The following RIN3 variants were observed in gnomAD, a reference collection of about 807,000 sequenced individuals.
RIN3 encodes RAB5 interacting protein 3.
A neutral mutation model predicts 76.3 loss-of-function variants in RIN3; 54 were observed. That is an observed-to-expected ratio of 0.71 (90% CI 0.57 to 0.89). RIN3 has a LOEUF of 0.89. Among genes scored for constraint, RIN3 ranks in the 40% least tolerant of loss-of-function variants. The probability of loss-of-function intolerance (pLI) is 0.00; values close to 1 mark genes in which losing one functional copy is unlikely to be tolerated. For missense variants in RIN3, 1,256 were observed against 1,322.1 expected, an observed-to-expected ratio of 0.95 and a Z score of 0.78; for synonymous variants, 576 against 564.0, an observed-to-expected ratio of 1.02 and a Z score of -0.30.
chr14:92,683,605 C>T (rs1475953047), intron 8 of RIN3, among the ~76,000 whole-genome samples: 1 of 152,130 alleles, frequency 6.6e-6, no homozygotes, highest in African/African-American at 2.4e-5. Flanking sequence ...AGGAGGATCA[C>T]CTGAGGCCAG....
intron 3 of RIN3, among the ~76,000 whole-genome samples, chr14:92,581,617 C>T (rs1884542334): frequency 6.6e-6 from 1 of 152,152 alleles, no homozygotes; most frequent in South Asian, 2.1e-4. Context: ...ACCTCCCCGC[C>T]CAGCCTCCAG....
rs74072435 is a variant in RIN3, at chr14:92,681,148, C to T, written c.2468-3839C>T. 4.1e-3 allele frequency among the ~76,000 whole-genome samples: 631 copies of T among 152,326 alleles called. 7 individuals carry two copies. Among genetic ancestry groups the T allele is most frequent in the African/African-American group, 0.015 (619 of 41,572 alleles). ...TAGTCTGCCTGACAGCTGGCCATGCCGGGCTGGTGTCTTTCCAGGGGCAGT... is the reference window on the plus strand; with the variant it reads ...TAGTCTGCCTGACAGCTGGCCATGCTGGGCTGGTGTCTTTCCAGGGGCAGT... On this transcript the variant is annotated intron_variant, in intron 8 of 9. Coordinates refer to ENST00000216487, the MANE Select transcript of RIN3 (RefSeq NM_024832.5). This position sits in a 1 kb window ranked among gnomAD's most constrained non-coding sequence, Gnocchi z 4.7.
At position 92,687,985 on chromosome 14, in the gene RIN3, G is replaced by T; in HGVS notation, c.2691G>T (p.Arg897=). ...PEQQARTLAS[R]ADTQAQALCA... is the part of the protein sequence containing the mutation. ...AGCAGGCGCGGACGCTGGCGTCGCGGGCGGACACCCAGGCCCAGGCGCTGT... is the reference window on the plus strand; with the variant it reads ...AGCAGGCGCGGACGCTGGCGTCGCGTGCGGACACCCAGGCCCAGGCGCTGT... Residue 897 remains arginine, a synonymous_variant, in exon 10 of 10, where the codon CGG becomes CGT. Coordinates refer to ENST00000216487, the MANE Select transcript of RIN3 (RefSeq NM_024832.5). 1 of 1,564,642 alleles carries T rather than the reference G, an allele frequency of 6.4e-7. No homozygotes were observed. The highest frequency in any genetic ancestry group is 8.7e-7 in the Non-Finnish European group (1 of 1,156,024).
intron 1 of RIN3, among the ~76,000 whole-genome samples, chr14:92,540,641 A>G (rs10467865): frequency 0.47 from 71,593 of 151,994 alleles, 18,258 homozygotes; most frequent in Non-Finnish European, 0.58. Context: ...GGCCAGAGGT[A>G]GAACTAGGAA....
chr14:92,597,915 A>G (rs1488217999), intron 3 of RIN3, among the ~76,000 whole-genome samples: 1 of 152,198 alleles, frequency 6.6e-6, no homozygotes, highest in Non-Finnish European at 1.5e-5. Flanking sequence ...TAAGCATTCT[A>G]TATGAATTAA....
chr14:92,666,949 G>A (rs1888126336), intron 7 of RIN3, among the ~76,000 whole-genome samples: 1 of 152,192 alleles, frequency 6.6e-6, no homozygotes, highest in South Asian at 2.1e-4. Context: ...CCAGGGGGAT[G>A]GAGCACACTA....
In RIN3 at chr14:92,555,768, G is replaced by T; in HGVS notation, c.62G>T (p.Gly21Val). The T allele has an allele frequency of 6.2e-7, 1 of 1,614,112 alleles. No individual in the cohort carries two copies. The highest frequency in any genetic ancestry group is 1.1e-5 in the South Asian group (1 of 91,080). The change falls in exon 2 of 10, where the codon GGC becomes GTC. Residue 21 changes from glycine (G) to valine (V), a missense_variant. Coordinates refer to ENST00000216487, the MANE Select transcript of RIN3 (RefSeq NM_024832.5). ...GDPTGPVPVV[G>V]KGEEEEEEDG... ...TTTTTCAGTCCGGTTCCAGTTGTTG[G>T]CAAAGGAGAGGAAGAGGAAGAGGAA...
chr14:92,543,643 TTA>T (rs1491562999), intron 1 of RIN3, among the ~76,000 whole-genome samples: 84 of 121,810 alleles, frequency 6.9e-4, no homozygotes, highest in African/African-American at 2.0e-3. Context: ...TTTTTTTTTT[TTA>T]AATCTTGGCT....
rs1888676908 is a variant in RIN3, at chr14:92,681,900, A to T, written c.2468-3087A>T. On this transcript the variant is annotated intron_variant, in intron 8 of 9. Coordinates refer to ENST00000216487, the MANE Select transcript of RIN3 (RefSeq NM_024832.5). The surrounding 1 kb of genome is among the most constrained non-coding windows in gnomAD (Gnocchi z 4.7). Reference sequence around the variant, plus strand: ...CTCTTATTTATTTTTATTTTTTTTTAATTTGAGATGAAGTCTCACTCTGTC... The same window carrying T: ...CTCTTATTTATTTTTATTTTTTTTTTATTTGAGATGAAGTCTCACTCTGTC... Among the ~76,000 whole-genome samples, 1 of 151,724 alleles carries T rather than the reference A, an allele frequency of 6.6e-6. No homozygotes were observed. The highest frequency in any genetic ancestry group is 1.5e-5 in the Non-Finnish European group (1 of 67,948).
At chr14:92,684,840 C>T in intron 8 of RIN3, 147 bp from the exon 9 acceptor site, 1 of 854,022 alleles carries the variant, frequency 1.2e-6, no homozygotes, top group East Asian at 2.5e-5. Context: ...TGGGGTTGAG[C>T]TCAGCTGTTG....
At position 92,688,093 on chromosome 14, in the gene RIN3, G is replaced by A. The variant is rs777298945; in HGVS notation, c.2799G>A (p.Gln933=). The change falls in exon 10 of 10, where the codon CAG becomes CAA. Residue 933 remains glutamine, a synonymous_variant. Transcript: ENST00000216487. ...LFVLVDGRCF[Q]LADDALPHCI... is the part of the protein sequence containing the mutation. ...TGCTGGTGGACGGGCGCTGCTTCCA[G>A]CTGGCGGACGACGCGCTGCCGCACT... is the stretch of plus-strand genomic sequence containing the variant. 2 of 1,607,086 alleles carry A rather than the reference G, an allele frequency of 1.2e-6. No individual in the cohort carries two copies. Among genetic ancestry groups the A allele is most frequent in the African/African-American group, 1.3e-5 (1 of 74,962 alleles).
At chr14:92,658,072 C>T (rs1229358019) in intron 6 of RIN3, among the ~76,000 whole-genome samples, 1 of 152,242 alleles carries the variant, frequency 6.6e-6, no homozygotes, top group African/African-American at 2.4e-5. Context: ...CCCAAAGCAA[C>T]TGGACATCCC....
chr14:92,607,644 C>T (rs889574344), intron 3 of RIN3, among the ~76,000 whole-genome samples: 2 of 152,202 alleles, frequency 1.3e-5, no homozygotes, highest in African/African-American at 4.8e-5. Flanking sequence ...GGCCTTACCA[C>T]ATGACCCAGC....
At chr14:92,632,975 T>C (rs1216323396) in intron 4 of RIN3, among the ~76,000 whole-genome samples, 1 of 152,170 alleles carries the variant, frequency 6.6e-6, no homozygotes, top group Non-Finnish European at 1.5e-5. Context: ...AGCCTGTTGC[T>C]GATATCAGAC....
At chr14:92,661,581 G>C (rs190403060) in intron 7 of RIN3, among the ~76,000 whole-genome samples, 1 of 152,156 alleles carries the variant, frequency 6.6e-6, no homozygotes, top group Admixed American at 6.5e-5. Context: ...AAAATTAGCC[G>C]AGTGTGTTGG....
At chr14:92,664,561 G>A (rs1595496343) in intron 7 of RIN3, among the ~76,000 whole-genome samples, 1 of 151,158 alleles carries the variant, frequency 6.6e-6, no homozygotes, top group Middle Eastern at 3.4e-3. Context: ...TAGTAGAAAC[G>A]GGGTTTCACC....
At chr14:92,556,040 G>A (rs1023386660) in intron 2 of RIN3, 85 bp downstream of exon 2, 19 of 1,124,098 alleles carry the variant, frequency 1.7e-5, no homozygotes, top group African/African-American at 1.7e-4. Context: ...GCTCCCACAG[G>A]GAAGCAGCTA....
intron 1 of RIN3, among the ~76,000 whole-genome samples, chr14:92,517,609 C>G (rs1048561065): frequency 1.3e-5 from 2 of 152,184 alleles, no homozygotes; most frequent in African/African-American, 4.8e-5. Context: ...TGGTGCTGCT[C>G]TGATGGCCAA....
At chr14:92,569,741 A>G (rs1898013966) in intron 2 of RIN3, among the ~76,000 whole-genome samples, 1 of 152,190 alleles carries the variant, frequency 6.6e-6, no homozygotes, top group African/African-American at 2.4e-5. Flanking sequence ...GCCAGCAACC[A>G]GGATGTTTCA....
Sources: gnomAD v4.1 joint callset for allele counts (sites outside exome capture counted in the v4.1 genomes callset) on GRCh38, gnomAD v4.1.1 for gene constraint, Gnocchi (gnomAD v3.1) non-coding constraint, MANE v1.5 for transcripts, NCBI Gene and HGNC (gene_info 2026-07-23, HGNC 2026-07-21) for gene names.